PEX5L: variants seen among roughly 807,000 people sequenced by gnomAD.
PEX5L encodes PEX5-related protein.
A neutral mutation model predicts 84.0 loss-of-function variants in PEX5L; 30 were observed. That is an observed-to-expected ratio of 0.36 (90% CI 0.27 to 0.48). The LOEUF is 0.48. Ranked by LOEUF, PEX5L falls within the 20% of genes least tolerant of loss-of-function variation. The probability of loss-of-function intolerance (pLI) is 0.99; values close to 1 mark genes in which losing one functional copy is unlikely to be tolerated. For missense variants in PEX5L, 533 were observed against 754.6 expected, an observed-to-expected ratio of 0.71 and a Z score of 3.44; for synonymous variants, 270 against 283.1, an observed-to-expected ratio of 0.95 and a Z score of 0.46.
At chr3:179,868,944 T>C (rs779885387) in intron 7 of PEX5L, among the ~76,000 whole-genome samples, 9 of 151,208 alleles carry the variant, frequency 6.0e-5, no homozygotes, top group Non-Finnish European at 1.3e-4. Context: ...CTGTATGCCT[T>C]TTCTCCCATT....
At position 179,989,254 on chromosome 3, in the gene PEX5L, C is replaced by T. The variant is rs557577539; in HGVS notation, c.22-17589G>A. 5.3e-5 allele frequency among the ~76,000 whole-genome samples: 8 copies of T among 152,262 alleles called. No homozygotes were observed. The South Asian group carries it at 6.2e-4, about 12-fold the overall frequency. ...TTCGTAGAATTAAGAAGTATCACCACGATCTAGGAGAGCATGATAATACTT... is the reference window on the plus strand; with the variant it reads ...TTCGTAGAATTAAGAAGTATCACCATGATCTAGGAGAGCATGATAATACTT... On this transcript the variant is annotated intron_variant, in intron 1 of 14. Coordinates refer to ENST00000467460, the MANE Select transcript of PEX5L (RefSeq NM_016559.3).
intron 2 of PEX5L, among the ~76,000 whole-genome samples, chr3:179,912,672 C>T (rs1341322267): frequency 6.6e-6 from 1 of 151,982 alleles, no homozygotes; most frequent in Admixed American, 6.6e-5. Flanking sequence ...TAGAATTGGT[C>T]GAATCTCCAC....
chr3:179,936,353 G>A (rs1250473404), intron 2 of PEX5L, among the ~76,000 whole-genome samples: 2 of 152,146 alleles, frequency 1.3e-5, no homozygotes, highest in Non-Finnish European at 2.9e-5. Context: ...ACATGTGGAA[G>A]ACAAAGGAAT....
At chr3:179,818,700 A>G (rs1301079716) in intron 9 of PEX5L, among the ~76,000 whole-genome samples, 2 of 152,170 alleles carry the variant, frequency 1.3e-5, no homozygotes, top group East Asian at 3.9e-4. Context: ...GTGAGAACAT[A>G]TGAAGTCTGT....
At chr3:179,923,290 C>CAAAAAAAAA (rs34537913) in intron 2 of PEX5L, among the ~76,000 whole-genome samples, 1 of 81,076 alleles carries the variant, frequency 1.2e-5, no homozygotes, top group Non-Finnish European at 2.3e-5. Context: ...GACTCCATCT[C>CAAAAAAAAA]AAAAAAAAAA....
chr3:179,907,611 G>A (rs1045999399), intron 2 of PEX5L, among the ~76,000 whole-genome samples: 4 of 151,982 alleles, frequency 2.6e-5, no homozygotes, highest in East Asian at 1.9e-4. Context: ...ATCATGTCTC[G>A]TCTTCCCTCC....
chr3:179,815,857 A>G lies in PEX5L; in HGVS notation c.1083+4T>C. The G allele has an allele frequency of 1.2e-6, 2 of 1,614,008 alleles. No individual in the cohort carries two copies. Among genetic ancestry groups the G allele is most frequent in the East Asian group, 2.2e-5 (1 of 44,872 alleles). Reference sequence around the variant, plus strand: ...AGTCTGGCAGAATGAAGGGAGAATGACACCTCTGCATCTCCAGGGTCCTGA... The same window carrying G: ...AGTCTGGCAGAATGAAGGGAGAATGGCACCTCTGCATCTCCAGGGTCCTGA... On this transcript the variant is annotated splice_donor_region_variant and intron_variant, in intron 10 of 14. Coordinates refer to ENST00000467460, the MANE Select transcript of PEX5L (RefSeq NM_016559.3).
intron 9 of PEX5L, among the ~76,000 whole-genome samples, chr3:179,818,169 A>G (rs912636377): frequency 6.6e-6 from 1 of 152,218 alleles, no homozygotes; most frequent in Non-Finnish European, 1.5e-5. Context: ...TTAGCAAAAT[A>G]TCATGAATGC....
intron 1 of PEX5L, among the ~76,000 whole-genome samples, chr3:179,985,249 T>C (rs1297066545): frequency 1.3e-5 from 2 of 152,226 alleles, no homozygotes; most frequent in Middle Eastern, 3.2e-3. Flanking sequence ...TTTTCATGAT[T>C]AGCATAACAA....
At chr3:179,874,225 C>A in intron 7 of PEX5L, 102 bp downstream of exon 7, 1 of 648,756 alleles carries the variant, frequency 1.5e-6, no homozygotes, top group South Asian at 2.1e-5. Context: ...ACGCAATGTA[C>A]AAAAAATACT....
At chr3:179,980,141 C>A (rs1194660800) in intron 1 of PEX5L, among the ~76,000 whole-genome samples, 1 of 152,124 alleles carries the variant, frequency 6.6e-6, no homozygotes, top group Non-Finnish European at 1.5e-5. Flanking sequence ...CTGACACATG[C>A]TTGAGAAAAA....
intron 8 of PEX5L, among the ~76,000 whole-genome samples, chr3:179,832,239 A>AG (rs1560284394): frequency 6.6e-6 from 1 of 151,574 alleles, no homozygotes; most frequent in African/African-American, 2.4e-5. Flanking sequence ...GAGCTACAGA[A>AG]AGAGAGAGAG....
chr3:179,819,299 A>G (rs1577243960), intron 9 of PEX5L, among the ~76,000 whole-genome samples: 1 of 152,096 alleles, frequency 6.6e-6, no homozygotes, highest in South Asian at 2.1e-4. Flanking sequence ...CTGGTTGTTC[A>G]CTGTACTTGT....
At chr3:179,998,237 T>C (rs940524406) in intron 1 of PEX5L, among the ~76,000 whole-genome samples, 1 of 152,228 alleles carries the variant, frequency 6.6e-6, no homozygotes, top group Admixed American at 6.5e-5. Flanking sequence ...GCACAATGCT[T>C]AGTGGGCCTA....
At chr3:179,954,170 T>C (rs1441083693) in intron 2 of PEX5L, among the ~76,000 whole-genome samples, 1 of 136,116 alleles carries the variant, frequency 7.3e-6, no homozygotes. Flanking sequence ...CTATTTAAGT[T>C]CCACAAGAAC....
At position 179,813,114 on chromosome 3, in the gene PEX5L, C is replaced by A. The variant is rs563452526; in HGVS notation, c.1084-1243G>T. 2.0e-5 allele frequency among the ~76,000 whole-genome samples: 3 copies of A among 152,278 alleles called. No homozygotes were observed. The South Asian group carries it at 6.2e-4, about 32-fold the overall frequency. ...CAACCTCTATTTTGATTTCACCTTT[C>A]ATATATCTTAGAATGCTTCTTAAGA... On this transcript the variant is annotated intron_variant, in intron 10 of 14. Coordinates refer to ENST00000467460, the MANE Select transcript of PEX5L (RefSeq NM_016559.3).
At chr3:180,016,428 G>T (rs1182147092) in intron 1 of PEX5L, among the ~76,000 whole-genome samples, 1 of 152,122 alleles carries the variant, frequency 6.6e-6, no homozygotes, top group Admixed American at 6.6e-5. Flanking sequence ...AAATAGATGA[G>T]ATTCACAAGG....
intron 2 of PEX5L, among the ~76,000 whole-genome samples, chr3:179,912,617 A>G (rs1340141560): frequency 6.6e-6 from 1 of 152,106 alleles, no homozygotes; most frequent in African/African-American, 2.4e-5. Flanking sequence ...GAATTGAAGA[A>G]AGCTCAGAAT....
chr3:180,024,876 T>C (rs909102807), intron 1 of PEX5L, among the ~76,000 whole-genome samples: 1 of 152,168 alleles, frequency 6.6e-6, no homozygotes, highest in Non-Finnish European at 1.5e-5. Context: ...TTATCAAAAT[T>C]GTTGTTGACA....
Sources: allele counts gnomAD v4.1 joint callset (sites outside exome capture counted in the v4.1 genomes callset), GRCh38; gene constraint gnomAD v4.1.1; transcripts MANE v1.5; gene names NCBI Gene and HGNC (gene_info 2026-07-23, HGNC 2026-07-21).